The following DIPK1B variants were observed in gnomAD, a reference collection of about 807,000 sequenced individuals.
DIPK1B encodes the protein family with sequence similarity 69 member B.
Under a neutral mutation model 20.7 loss-of-function variants are expected in DIPK1B, and 17 were observed. That is an observed-to-expected ratio of 0.82 (90% CI 0.56 to 1.23). The LOEUF is 1.23. Among genes scored for constraint, DIPK1B ranks in the 50% most tolerant of loss-of-function variants. The probability of loss-of-function intolerance (pLI) is 0.00; values close to 1 mark genes in which losing one functional copy is unlikely to be tolerated. For synonymous variants in DIPK1B, 343 were observed against 276.5 expected (o/e 1.24, Z -2.39); for missense variants, 648 against 601.8 (o/e 1.08, Z -0.80).
In DIPK1B at chr9:136,723,300, C is replaced by G. The variant is rs766275825; in HGVS notation, c.822C>G (p.Ile274Met). Residue 274 changes from isoleucine (I) to methionine (M), a missense_variant, in exon 5 of 5, where the codon ATC becomes ATG. Transcript: ENST00000371692. ...LGPAWPWRAK[I>M]AIGLLEFVEE... ...CTGCGTGGCCTTGGCGGGCCAAGAT[C>G]GCCATCGGCCTGCTGGAGTTCGTGG... 6.2e-7 allele frequency: 1 copy of G among 1,612,684 alleles called. No individual in the cohort carries two copies. The highest frequency in any genetic ancestry group is 8.5e-7 in the Non-Finnish European group (1 of 1,179,840).
intron 2 of DIPK1B, among the ~76,000 whole-genome samples, chr9:136,719,161 T>C (rs905828860): frequency 6.6e-5 from 3 of 45,424 alleles, no homozygotes; most frequent in African/African-American, 2.5e-4. Context: ...TGGGGGCGGG[T>C]GGGGGTGAGC....
rs1238220815 is a variant in DIPK1B, at chr9:136,723,460, T to C, written c.982T>C (p.Phe328Leu). 6.2e-7 allele frequency: 1 copy of C among 1,610,984 alleles called. No individual in the cohort carries two copies. Residue 328 changes from phenylalanine to leucine, a missense_variant, in exon 5 of 5, where the codon TTC (phenylalanine) becomes CTC (leucine). Physicochemically the swap from Phe to Leu is conservative, Grantham distance 22. Coordinates refer to ENST00000371692, the MANE Select transcript of DIPK1B (RefSeq NM_152421.4). ...QVAPEATVRR[F>L]LQGRRCEHST... ...GGCACCCGAGGCCACCGTGCGCCGCTTCCTGCAGGGCCGCCGCTGCGAGCA... is the reference window on the plus strand; with the variant it reads ...GGCACCCGAGGCCACCGTGCGCCGCCTCCTGCAGGGCCGCCGCTGCGAGCA...
intron 2 of DIPK1B, among the ~76,000 whole-genome samples, chr9:136,719,682 G>A (rs960989190): frequency 6.6e-6 from 1 of 152,224 alleles, no homozygotes; most frequent in African/African-American, 2.4e-5. Flanking sequence ...ACTCTGCTAG[G>A]TGCTGGTAGG....
chr9:136,721,698 G>A (rs527701333), intron 2 of DIPK1B: 106 of 553,092 alleles, frequency 1.9e-4, no homozygotes, highest in African/African-American at 1.6e-3. Flanking sequence ...TGGTGGGGAC[G>A]GGACCGGACC....
chr9:136,722,387 C>T (rs928917470), intron 4 of DIPK1B, 86 bp downstream of exon 4: 5 of 1,444,582 alleles, frequency 3.5e-6, no homozygotes, highest in Admixed American at 2.0e-5. Context: ...ACATGCCCAG[C>T]GCAAAGGCAC....
chr9:136,722,232 A>T lies in DIPK1B; in HGVS notation c.414A>T (p.Val138=). Reference sequence around the variant, plus strand: ...ATGCGGCCCCCCGGCGGGAGCTGGTACTGTTTGACAAGCCCACCCGGGGCA... The same window carrying T: ...ATGCGGCCCCCCGGCGGGAGCTGGTTCTGTTTGACAAGCCCACCCGGGGCA... The part of the protein sequence containing the change: ...RSDAAPRREL[V]LFDKPTRGTS... Residue 138 remains valine (V), a synonymous_variant, in exon 4 of 5, where the codon GTA becomes GTT. Coordinates refer to ENST00000371692, the MANE Select transcript of DIPK1B (RefSeq NM_152421.4). 6.2e-7 allele frequency: 1 copy of T among 1,613,920 alleles called. No homozygotes were observed. The highest frequency in any genetic ancestry group is 8.5e-7 in the Non-Finnish European group (1 of 1,179,974).
At chr9:136,718,930 C>T (rs1309300547) in intron 2 of DIPK1B, among the ~76,000 whole-genome samples, 1 of 152,152 alleles carries the variant, frequency 6.6e-6, no homozygotes. Context: ...TTGTTTGGAG[C>T]CCATGCCAGC....
intron 1 of DIPK1B, among the ~76,000 whole-genome samples, chr9:136,715,004 A>C (rs1846476824): frequency 6.6e-6 from 1 of 152,240 alleles, no homozygotes; most frequent in African/African-American, 2.4e-5. Flanking sequence ...TCACGGCCTA[A>C]GCCGGGCTGC....
intron 1 of DIPK1B, among the ~76,000 whole-genome samples, chr9:136,714,445 G>A (rs1846468005): frequency 6.6e-6 from 1 of 152,202 alleles, no homozygotes; most frequent in African/African-American, 2.4e-5. Flanking sequence ...TCCCTAGCTT[G>A]GTGTCACTGT....
At chr9:136,722,888 C>T (rs1298010205) in intron 4 of DIPK1B, 74 bp from the exon 5 acceptor site, 26 of 1,440,302 alleles carry the variant, frequency 1.8e-5, no homozygotes, top group Non-Finnish European at 2.2e-5. Flanking sequence ...GCCAGGAGGA[C>T]CAGGTAAAGG....
At chr9:136,719,528 C>A (rs1475956945) in intron 2 of DIPK1B, among the ~76,000 whole-genome samples, 2 of 152,230 alleles carry the variant, frequency 1.3e-5, no homozygotes, top group Non-Finnish European at 2.9e-5. Context: ...AGGGCCCTCG[C>A]GAGGCCAAGA....
intron 1 of DIPK1B, among the ~76,000 whole-genome samples, chr9:136,713,989 C>G (rs1846461796): frequency 2.6e-5 from 4 of 152,234 alleles, no homozygotes; most frequent in Admixed American, 2.6e-4. Flanking sequence ...CTGGTCCCCA[C>G]CTGCCCCTGC....
At chr9:136,719,422 C>T (rs1006550137) in intron 2 of DIPK1B, among the ~76,000 whole-genome samples, 16 of 152,212 alleles carry the variant, frequency 1.1e-4, no homozygotes, top group African/African-American at 3.6e-4. Flanking sequence ...CCCTGCCCGG[C>T]CTCGTGGGGG....
Position 136,723,876 on chromosome 9 carries a change from G to A in DIPK1B, c.*102G>A. 8.1e-7 allele frequency: 1 copy of A among 1,240,458 alleles called. No homozygotes were observed. Among genetic ancestry groups the A allele is most frequent in the Non-Finnish European group, 1.1e-6 (1 of 908,620 alleles). The allele number at this position is 1,240,458 out of a possible 1,614,324, so 76.8% of individuals were successfully genotyped here. A position where few individuals can be genotyped will look rare whatever the true frequency, so the allele number is the denominator to read the frequency against. On this transcript the variant is annotated 3_prime_UTR_variant, in exon 5 of 5. Coordinates refer to ENST00000371692, the MANE Select transcript of DIPK1B (RefSeq NM_152421.4). ...GTCAGAAGATGTGAAATGCAACTGTGTTGCAAAATCACTCCCCTACCGTCA... is the reference window on the plus strand; with the variant it reads ...GTCAGAAGATGTGAAATGCAACTGTATTGCAAAATCACTCCCCTACCGTCA...
Position 136,723,042 on chromosome 9 carries a change from G to T in DIPK1B, c.564G>T (p.Arg188=). The T allele has an allele frequency of 6.2e-7, 1 of 1,613,526 alleles. No individual in the cohort carries two copies. The highest frequency in any genetic ancestry group is 8.5e-7 in the Non-Finnish European group (1 of 1,180,030). The part of the protein sequence containing the change: ...LLMADFNKDN[R]VSLAEAKSVW... Reference sequence around the variant, plus strand: ...TGGCTGACTTCAACAAGGACAACCGGGTGTCCCTGGCGGAAGCCAAGTCCG... The same window carrying T: ...TGGCTGACTTCAACAAGGACAACCGTGTGTCCCTGGCGGAAGCCAAGTCCG... Residue 188 remains arginine (R), a synonymous_variant, in exon 5 of 5, where the codon CGG becomes CGT. Coordinates refer to ENST00000371692, the MANE Select transcript of DIPK1B (RefSeq NM_152421.4).
At position 136,723,858 on chromosome 9, in the gene DIPK1B, G is replaced by C; in HGVS notation, c.*84G>C. The stretch of plus-strand genomic sequence containing the variant: ...CCTCCCTCAAGGAATCCTGTCAGAA[G>C]ATGTGAAATGCAACTGTGTTGCAAA... On this transcript the variant is annotated 3_prime_UTR_variant, in exon 5 of 5. Transcript: ENST00000371692. 7.3e-7 allele frequency: 1 copy of C among 1,361,890 alleles called. No individual in the cohort carries two copies. Among genetic ancestry groups the C allele is most frequent in the South Asian group, 1.4e-5 (1 of 72,124 alleles). 84.4% of individuals were successfully genotyped at this position (1,361,890 alleles called of 1,614,324 possible). A position where few individuals can be genotyped will look rare whatever the true frequency, so the allele number is the denominator to read the frequency against.
Position 136,723,825 on chromosome 9 carries a change from G to A in DIPK1B, c.*51G>A, listed in dbSNP as rs2131050321. On this transcript the variant is annotated 3_prime_UTR_variant, in exon 5 of 5. Coordinates refer to ENST00000371692, the MANE Select transcript of DIPK1B (RefSeq NM_152421.4). ...CTTCCTGGAGCTGGCCAGGTGCCAG[G>A]GTCCAACCCTCCCTCAAGGAATCCT... is the stretch of plus-strand genomic sequence containing the variant. The A allele has an allele frequency of 6.7e-7, 1 of 1,493,262 alleles. No homozygotes were observed. 92.5% of individuals were successfully genotyped at this position (1,493,262 alleles called of 1,614,324 possible).
At chr9:136,722,444 C>T in intron 4 of DIPK1B, 143 bp downstream of exon 4, 1 of 1,011,766 alleles carries the variant, frequency 9.9e-7, no homozygotes, top group Non-Finnish European at 1.4e-6. Context: ...CCCCCAGCCC[C>T]TGGGCATGAG....
chr9:136,713,270 C>T (rs1432582780), intron 1 of DIPK1B, among the ~76,000 whole-genome samples: 3 of 152,168 alleles, frequency 2.0e-5, no homozygotes, highest in Middle Eastern at 3.2e-3. Flanking sequence ...GCCCTTTCAC[C>T]TTCTGCTTTG....
Sources: allele counts gnomAD v4.1 joint callset (sites outside exome capture counted in the v4.1 genomes callset), GRCh38; gene constraint gnomAD v4.1.1; transcripts MANE v1.5; gene names NCBI Gene and HGNC (gene_info 2026-07-23, HGNC 2026-07-21).